The following SLC25A26 variants were observed in gnomAD, a reference collection of about 807,000 sequenced individuals.
The protein encoded by SLC25A26 is solute carrier family 25 member 26, also known as mitochondrial S-adenosylmethionine carrier protein.
In SLC25A26, 36 loss-of-function variants were observed where a neutral mutation model predicts 37.8. The observed-to-expected ratio is 0.95, with a 90% CI of 0.73 to 1.26. The LOEUF (loss-of-function observed/expected upper bound fraction) is 1.26, where lower values mean the gene tolerates loss of function less well. Ranked by LOEUF, SLC25A26 falls within the 50% of genes most tolerant of loss-of-function variation. The probability of loss-of-function intolerance (pLI) is 0.00; values close to 1 mark genes in which losing one functional copy is unlikely to be tolerated. For synonymous variants in SLC25A26, 129 were observed against 122.5 expected (o/e 1.05, Z -0.35); for missense variants, 390 against 331.1 (o/e 1.18, Z -1.38).
intron 2 of SLC25A26, among the ~76,000 whole-genome samples, chr3:66,238,754 A>C (rs1253545823): frequency 6.6e-6 from 1 of 152,136 alleles, no homozygotes; most frequent in Non-Finnish European, 1.5e-5. Context: ...ATATTCAGTA[A>C]GTGGAAGTGG....
intron 1 of SLC25A26, among the ~76,000 whole-genome samples, chr3:66,198,549 C>T (rs2071073762): frequency 6.6e-6 from 1 of 151,868 alleles, no homozygotes; most frequent in East Asian, 1.9e-4. Flanking sequence ...CTCTATTCCC[C>T]ACCATGACCC....
chr3:66,213,942 A>C (rs2071322645), intron 1 of SLC25A26, among the ~76,000 whole-genome samples: 1 of 152,136 alleles, frequency 6.6e-6, no homozygotes, highest in African/African-American at 2.4e-5. Context: ...AAAAAAGGTA[A>C]TTATTCATTA....
chr3:66,256,065 A>G (rs550839426), intron 3 of SLC25A26, among the ~76,000 whole-genome samples: 9 of 152,340 alleles, frequency 5.9e-5, no homozygotes, highest in Admixed American at 2.6e-4. Context: ...AGAAGTAGAC[A>G]GTTCCTATTT....
chr3:66,243,170 C>T, intron 2 of SLC25A26, 33 bp from the exon 3 acceptor site: 1 of 1,111,358 alleles, frequency 9.0e-7, no homozygotes, highest in Non-Finnish European at 1.4e-6. Context: ...TATGTTTAAA[C>T]TTTGTGAAAG....
Position 66,309,216 on chromosome 3 carries a change from C to T in SLC25A26, c.454-37148C>T, listed in dbSNP as rs1287804197. ...CTTGTTATTGGACTATTCAGGGATT[C>T]GACTTCTTCCTGGTTTAGTCTTGGG... On this transcript the variant is annotated intron_variant, in intron 5 of 9. Coordinates refer to ENST00000354883, the MANE Select transcript of SLC25A26 (RefSeq NM_001379210.1). 8.5e-5 allele frequency among the ~76,000 whole-genome samples: 13 copies of T among 152,260 alleles called. No individual in the cohort carries two copies. The East Asian group carries it at 1.7e-3, about 20-fold the overall frequency.
intron 1 of SLC25A26, among the ~76,000 whole-genome samples, chr3:66,225,047 C>T (rs1427746159): frequency 6.6e-6 from 1 of 152,142 alleles, no homozygotes; most frequent in Non-Finnish European, 1.5e-5. Flanking sequence ...GTGTCTGTAG[C>T]TTTTCCAGGC....
intron 5 of SLC25A26, among the ~76,000 whole-genome samples, chr3:66,287,179 C>T (rs1329027553): frequency 6.6e-6 from 1 of 151,910 alleles, no homozygotes; most frequent in Non-Finnish European, 1.5e-5. Context: ...GCCTGTAGTC[C>T]CAGCTACTCA....
At chr3:66,258,647 A>G (rs2073399642) in intron 3 of SLC25A26, among the ~76,000 whole-genome samples, 1 of 152,102 alleles carries the variant, frequency 6.6e-6, no homozygotes, top group African/African-American at 2.4e-5. Flanking sequence ...TTTTAATAAC[A>G]TATTTTATTA....
intron 5 of SLC25A26, among the ~76,000 whole-genome samples, chr3:66,316,641 T>G (rs1451143999): frequency 6.6e-6 from 1 of 152,100 alleles, no homozygotes; most frequent in Admixed American, 6.5e-5. Flanking sequence ...TTCTCTGGAG[T>G]TCCTGAATTT....
intron 1 of SLC25A26, among the ~76,000 whole-genome samples, chr3:66,136,997 TTC>T (rs1482975976): frequency 1.3e-5 from 2 of 152,242 alleles, no homozygotes; most frequent in East Asian, 3.9e-4. Context: ...TTGAAAATAA[TTC>T]TGATTTGCAT....
In SLC25A26 at chr3:66,195,139, A is replaced by C. The variant is rs1372564416; in HGVS notation, c.-353-25603A>C. On this transcript the variant is annotated intron_variant, in intron 1 of 10. Transcript: ENST00000676754. The stretch of plus-strand genomic sequence containing the variant: ...TCACCTTCCCACTGCTCCCCAACGC[A>C]TGCTCGCAATTATGCTGTACTGCCA... Among the ~76,000 whole-genome samples the C allele has an allele frequency of 1.6e-4, 24 of 152,304 alleles. No homozygotes were observed. In the East Asian group the frequency reaches 4.5e-3, roughly 28 times the overall value.
intron 1 of SLC25A26, among the ~76,000 whole-genome samples, chr3:66,230,645 A>G (rs1159183398): frequency 6.6e-6 from 1 of 151,378 alleles, no homozygotes; most frequent in African/African-American, 2.4e-5. Flanking sequence ...CTCTACTAAA[A>G]ATACAAAAAA....
intron 1 of SLC25A26, among the ~76,000 whole-genome samples, chr3:66,188,983 T>A (rs1248396691): frequency 1.3e-5 from 2 of 152,114 alleles, no homozygotes; most frequent in African/African-American, 4.8e-5. Context: ...ACAACGATGC[T>A]GAACCTGATT....
At chr3:66,309,825 A>G (rs1233304100) in intron 5 of SLC25A26, among the ~76,000 whole-genome samples, 1 of 152,012 alleles carries the variant, frequency 6.6e-6, no homozygotes, top group South Asian at 2.1e-4. Flanking sequence ...GAATTTCTTA[A>G]TCCTGAGTTC....
At chr3:66,246,942 A>G (rs1013917380) in intron 3 of SLC25A26, among the ~76,000 whole-genome samples, 2 of 151,898 alleles carry the variant, frequency 1.3e-5, no homozygotes, top group Non-Finnish European at 2.9e-5. Context: ...GCTCACTGCA[A>G]CCTCTGCCTC....
intron 5 of SLC25A26, among the ~76,000 whole-genome samples, chr3:66,286,968 G>T (rs1300945147): frequency 2.0e-5 from 3 of 151,438 alleles, no homozygotes; most frequent in Admixed American, 1.3e-4. Context: ...TGGCCTGTTT[G>T]TTTTTTTTAA....
rs138259483 is a variant in SLC25A26 at position 66,135,711 on chromosome 3, G to A, written c.-354+1727G>A. Among the ~76,000 whole-genome samples, 13 of 152,322 alleles carry A rather than the reference G, an allele frequency of 8.5e-5. No homozygotes were observed. The East Asian group carries it at 2.5e-3, about 29-fold the overall frequency. ...TTGAGCCTGGGAGGTTGAGGCTTCAGTGAGCCCTGATGGCACCACTGCACT... is the reference window on the plus strand; with the variant it reads ...TTGAGCCTGGGAGGTTGAGGCTTCAATGAGCCCTGATGGCACCACTGCACT... On this transcript the variant is annotated intron_variant, in intron 1 of 10. Coordinates refer to the SLC25A26 transcript ENST00000676754.
At chr3:66,268,368 A>G (rs1026514685) in intron 5 of SLC25A26, among the ~76,000 whole-genome samples, 1 of 152,254 alleles carries the variant, frequency 6.6e-6, no homozygotes, top group Non-Finnish European at 1.5e-5. Context: ...CTTGCCAACA[A>G]TGTAGGAGCC....
intron 5 of SLC25A26, among the ~76,000 whole-genome samples, chr3:66,315,256 A>G (rs2075504014): frequency 6.6e-6 from 1 of 152,050 alleles, no homozygotes; most frequent in Admixed American, 6.6e-5. Context: ...TGATGTAGGC[A>G]TTTATTGCTA....
Sources: gnomAD v4.1 joint callset for allele counts (sites outside exome capture counted in the v4.1 genomes callset) on GRCh38, gnomAD v4.1.1 for gene constraint, MANE v1.5 for transcripts, NCBI Gene and HGNC (gene_info 2026-07-23, HGNC 2026-07-21) for gene names.